ZDHHC1: variants seen among roughly 807,000 people sequenced by gnomAD.
ZDHHC1 encodes zDHHC palmitoyltransferase 1, also known as palmitoyltransferase ZDHHC1.
A neutral mutation model predicts 46.9 loss-of-function variants in ZDHHC1; 45 were observed. The ratio of observed to expected loss-of-function variants is 0.96; its 90% CI spans 0.76 to 1.23. ZDHHC1 has a LOEUF of 1.23. ZDHHC1 is among the 50% of genes most tolerant of loss of function. ZDHHC1 has a pLI of 0.00. For missense variants in ZDHHC1, 649 were observed against 670.8 expected (o/e 0.97, Z 0.36); for synonymous variants, 291 against 286.0 (o/e 1.02, Z -0.18).
At chr16:67,407,716 T>G in intron 2 of ZDHHC1, 51 bp downstream of exon 2, 1 of 780,520 alleles carries the variant, frequency 1.3e-6, no homozygotes, top group South Asian at 1.3e-5. Flanking sequence ...TGGGTGGGGT[T>G]TATTCATCTC....
At chr16:67,407,926 C>T in intron 1 of ZDHHC1, 113 bp from the exon 2 acceptor site, 1 of 667,362 alleles carries the variant, frequency 1.5e-6, no homozygotes, top group African/African-American at 1.8e-5. Context: ...CCTCTTTCTG[C>T]AGGGTCGTGA....
At chr16:67,415,778 T>C (rs571913970) in intron 1 of ZDHHC1, among the ~76,000 whole-genome samples, 2 of 152,150 alleles carry the variant, frequency 1.3e-5, no homozygotes, top group East Asian at 3.9e-4. Flanking sequence ...AAACTAAAAC[T>C]CTTCCCATGG....
chr16:67,394,828 C>T lies in ZDHHC1; in HGVS notation c.1231G>A (p.Ala411Thr). ...TDSADASPVH[A>T]AGPAGAYHSA... ...TGGTAGGCGCCGGCAGGGCCAGCGGCGTGCACAGGGCTGGCGTCCGCGGAA... is the reference window on the plus strand; with the variant it reads ...TGGTAGGCGCCGGCAGGGCCAGCGGTGTGCACAGGGCTGGCGTCCGCGGAA... Residue 411 changes from alanine to threonine, a missense_variant, in exon 12 of 12, where the codon GCC (alanine) becomes ACC (threonine). Physicochemically the swap from Ala to Thr is moderately conservative, Grantham distance 58. Transcript: ENST00000565726. 3 of 1,546,376 alleles carry T rather than the reference C, an allele frequency of 1.9e-6. No homozygotes were observed. The highest frequency in any genetic ancestry group is 1.2e-5 in the South Asian group (1 of 83,892).
chr16:67,412,254 A>G (rs567347921), intron 1 of ZDHHC1, among the ~76,000 whole-genome samples: 26 of 152,198 alleles, frequency 1.7e-4, no homozygotes, highest in Non-Finnish European at 3.5e-4. Flanking sequence ...GAGCTGTAAG[A>G]CAGAAATTGC....
At position 67,395,485 on chromosome 16, in the gene ZDHHC1, T is replaced by G. The variant is rs1307135819; in HGVS notation, c.1009A>C (p.Asn337His). The G allele has an allele frequency of 2.3e-5, 36 of 1,552,980 alleles. No homozygotes were observed. The highest frequency in any genetic ancestry group is 3.0e-5 in the Non-Finnish European group (35 of 1,147,740). ...GQAGPAAVNANPSQFLATRGQ... is the reference protein window; with the variant it reads ...GQAGPAAVNAHPSQFLATRGQ... ...GGCACATGCCCAGGTTGCACTCACT[T>G]GGCATTCACTGCTGCTGGCCCGGCC... is the stretch of plus-strand genomic sequence containing the variant. Residue 337 changes from asparagine to histidine, a missense_variant and splice_region_variant, in exon 9 of 12, where the codon AAT becomes CAT. Transcript: ENST00000565726.
At chr16:67,410,798 C>T (rs1405867985) in intron 1 of ZDHHC1, among the ~76,000 whole-genome samples, 2 of 151,806 alleles carry the variant, frequency 1.3e-5, no homozygotes, top group East Asian at 1.9e-4. Context: ...CCCAAGTAGC[C>T]GGGATTACAG....
In ZDHHC1 at chr16:67,416,422, G is replaced by GCTCCGGCTC; in HGVS notation, c.-291_-290insGAGCCGGAG. 9.5e-6 allele frequency: 2 copies of GCTCCGGCTC among 210,538 alleles called. No homozygotes were observed. Among genetic ancestry groups the GCTCCGGCTC allele is most frequent in the Non-Finnish European group, 1.9e-5 (2 of 102,906 alleles). The allele number at this position is 210,538 out of a possible 1,614,324, so 13.0% of individuals were successfully genotyped here. A position where few individuals can be genotyped will look rare whatever the true frequency, so the allele number is the denominator to read the frequency against. Reference sequence around the variant, plus strand: ...GGCTCCGGCTCCGGCTCCGGCTCCAGCAGGCTGGAGGGGCGGCCAGGCCAG... The same window carrying GCTCCGGCTC: ...GGCTCCGGCTCCGGCTCCGGCTCCAGCTCCGGCTCCAGGCTGGAGGGGCGGCCAGGCCAG... On this transcript the variant is annotated 5_prime_UTR_variant, in exon 1 of 12. Transcript: ENST00000565726.
chr16:67,402,468 A>C (rs1415648724), intron 3 of ZDHHC1, among the ~76,000 whole-genome samples: 1 of 152,110 alleles, frequency 6.6e-6, no homozygotes, highest in Non-Finnish European at 1.5e-5. Flanking sequence ...AATGAGGGCA[A>C]ACATTTACTC....
chr16:67,394,486 G>C lies in ZDHHC1; in HGVS notation c.*124C>G. 3 of 827,948 alleles carry C rather than the reference G, an allele frequency of 3.6e-6. No individual in the cohort carries two copies. The highest frequency in any genetic ancestry group is 4.6e-6 in the Non-Finnish European group (3 of 653,922). 51.3% of individuals were successfully genotyped at this position (827,948 alleles called of 1,614,324 possible). A position where few individuals can be genotyped will look rare whatever the true frequency, so the allele number is the denominator to read the frequency against. ...TGGGGCGGGTATTGCTGAGTCGTGG[G>C]GGAGGGAGGCCGATCCCGCCGGCCG... On this transcript the variant is annotated 3_prime_UTR_variant, in exon 12 of 12. Coordinates refer to ENST00000565726, the MANE Select transcript of ZDHHC1 (RefSeq NM_001323627.2).
chr16:67,403,915 T>C (rs1326152386), intron 3 of ZDHHC1, among the ~76,000 whole-genome samples: 1 of 152,136 alleles, frequency 6.6e-6, no homozygotes, highest in African/African-American at 2.4e-5. Context: ...CGCCCGGCCT[T>C]GAGCCTCATT....
rs1359983967 is a variant in ZDHHC1 at position 67,399,341 on chromosome 16, C to G, written c.530+14G>C. The G allele has an allele frequency of 1.9e-6, 3 of 1,605,858 alleles. No individual in the cohort carries two copies. Among genetic ancestry groups the G allele is most frequent in the Middle Eastern group, 1.7e-4 (1 of 6,040 alleles). ...GTGCATCCCCAGGCCCGCGTGCGGC[C>G]GGGCTGTCCTCACCGGTAGTTCCGC... is the stretch of plus-strand genomic sequence containing the variant. On this transcript the variant is annotated intron_variant, in intron 5 of 11. Transcript: ENST00000565726.
In ZDHHC1 at chr16:67,399,424, T is replaced by A; in HGVS notation, c.461A>T (p.Asn154Ile). The A allele has an allele frequency of 6.2e-7, 1 of 1,613,284 alleles. No homozygotes were observed. Among genetic ancestry groups the A allele is most frequent in the Non-Finnish European group, 8.5e-7 (1 of 1,179,822 alleles). ...SARSKHCSAC[N>I]KCVCGFDHHC... ...GTGGTCGAAACCGCACACGCACTTG[T>A]TGCAGGCGCTGCAGTGCTTGGAGCG... is the stretch of plus-strand genomic sequence containing the variant. The change falls in exon 5 of 12, where the codon AAC (asparagine) becomes ATC (isoleucine). Residue 154 changes from asparagine (N) to isoleucine (I), a missense_variant. Transcript: ENST00000565726.
intron 9 of ZDHHC1, 53 bp from the exon 10 acceptor site, chr16:67,395,333 C>G: frequency 6.7e-7 from 1 of 1,496,540 alleles, no homozygotes; most frequent in Non-Finnish European, 8.9e-7. Flanking sequence ...AATCCCTCCC[C>G]ACTGGAGGTG....
chr16:67,400,009 G>T (rs2040519090), intron 4 of ZDHHC1, among the ~76,000 whole-genome samples: 1 of 152,350 alleles, frequency 6.6e-6, no homozygotes, highest in East Asian at 1.9e-4. Context: ...GCTCACCACA[G>T]GGGCTCAGGG....
rs201740223 is a variant in ZDHHC1, at chr16:67,406,387, G to A, written c.65C>T (p.Thr22Met). The change falls in exon 3 of 12, where the codon ACG (threonine) becomes ATG (methionine). Residue 22 changes from threonine (T) to methionine (M), a missense_variant. Physicochemically the swap from Thr to Met is moderately conservative, Grantham distance 81. Coordinates refer to ENST00000565726, the MANE Select transcript of ZDHHC1 (RefSeq NM_001323627.2). This position sits in a 1 kb window ranked among gnomAD's most constrained non-coding sequence, Gnocchi z 4.1. Reference protein sequence around the residue: ...NKTAPEKSVWTAPAQPSGPSP... With the variant: ...NKTAPEKSVWMAPAQPSGPSP... ...GGGTCCGCTGGGCTGTGCCGGTGCC[G>A]TCCACACACTCTTCTCAGGGGCCGT... is the stretch of plus-strand genomic sequence containing the variant. 1.1e-5 allele frequency: 18 copies of A among 1,576,948 alleles called. No individual in the cohort carries two copies. Among genetic ancestry groups the A allele is most frequent in the East Asian group, 9.2e-5 (4 of 43,574 alleles).
At chr16:67,409,382 ACT>A (rs1567522418) in intron 1 of ZDHHC1, among the ~76,000 whole-genome samples, 1 of 152,128 alleles carries the variant, frequency 6.6e-6, no homozygotes, top group Non-Finnish European at 1.5e-5. Context: ...TACCCCCGAT[ACT>A]CCAAATCAGG....
In ZDHHC1 at chr16:67,406,862, C is replaced by T. The variant is rs1353623019; in HGVS notation, c.10-420G>A. ...TCACCTCCTTCCTGAGGTCCAAATG[C>T]AAGTGTCAGACACCCCCGCTATCCT... On this transcript the variant is annotated intron_variant, in intron 2 of 11. Transcript: ENST00000565726. This position sits in a 1 kb window ranked among gnomAD's most constrained non-coding sequence, Gnocchi z 4.1. Among the ~76,000 whole-genome samples, 2 of 152,202 alleles carry T rather than the reference C, an allele frequency of 1.3e-5. No homozygotes were observed. The highest frequency in any genetic ancestry group is 4.8e-5 in the African/African-American group (2 of 41,440).
intron 1 of ZDHHC1, among the ~76,000 whole-genome samples, chr16:67,408,394 C>T (rs2040698771): frequency 6.6e-6 from 1 of 152,128 alleles, no homozygotes; most frequent in South Asian, 2.1e-4. Flanking sequence ...TCTCCAACTC[C>T]TGGACTCCAG....
Position 67,394,515 on chromosome 16 carries a change from G to T in ZDHHC1, c.*95C>A, listed in dbSNP as rs1567513207. Reference sequence around the variant, plus strand: ...GGGAGGCCGATCCCGCCGGCCGTAGGGGCCCCTAAAGTGCACTCGGTGCGG... The same window carrying T: ...GGGAGGCCGATCCCGCCGGCCGTAGTGGCCCCTAAAGTGCACTCGGTGCGG... On this transcript the variant is annotated 3_prime_UTR_variant, in exon 12 of 12. Coordinates refer to ENST00000565726, the MANE Select transcript of ZDHHC1 (RefSeq NM_001323627.2). 1 of 1,080,882 alleles carries T rather than the reference G, an allele frequency of 9.3e-7. No individual in the cohort carries two copies. The highest frequency in any genetic ancestry group is 5.0e-5 in the Admixed American group (1 of 20,160). The allele number at this position is 1,080,882 out of a possible 1,614,324, so 67.0% of individuals were successfully genotyped here.
Sources: allele counts gnomAD v4.1 joint callset (sites outside exome capture counted in the v4.1 genomes callset), GRCh38; gene constraint gnomAD v4.1.1; non-coding constraint Gnocchi (gnomAD v3.1); transcripts MANE v1.5; gene names NCBI Gene and HGNC (gene_info 2026-07-23, HGNC 2026-07-21).